Variants in RPF2 observed in about 807,000 individuals in gnomAD.
RPF2 encodes brix domain containing 1.
Under a neutral mutation model 38.9 loss-of-function variants are expected in RPF2, and 21 were observed. The observed-to-expected ratio is 0.54, with a 90% CI of 0.38 to 0.78. RPF2 has a LOEUF of 0.78. RPF2 is among the 30% of genes least tolerant of loss of function. RPF2 has a pLI of 0.00. For synonymous variants in RPF2, 121 were observed against 126.2 expected (o/e 0.96, Z 0.28); for missense variants, 314 against 358.1 (o/e 0.88, Z 0.99).
rs1184014301 is a variant in RPF2 at position 110,983,525 on chromosome 6, G to A, written c.23+1396G>A. Among the ~76,000 whole-genome samples the A allele has an allele frequency of 4.6e-5, 7 of 151,936 alleles. No homozygotes were observed. In the South Asian group the frequency reaches 6.2e-4, roughly 14 times the overall value. Reference sequence around the variant, plus strand: ...ACCACAGCTAATTTTTGTATTTTTTGTAGAGACAGGGTTTTGCATTGTTGC... The same window carrying A: ...ACCACAGCTAATTTTTGTATTTTTTATAGAGACAGGGTTTTGCATTGTTGC... On this transcript the variant is annotated intron_variant, in intron 1 of 9. Transcript: ENST00000441448.
chr6:111,024,862 G>A (rs1425642545), intron 9 of RPF2, among the ~76,000 whole-genome samples: 2 of 152,200 alleles, frequency 1.3e-5, no homozygotes, highest in Non-Finnish European at 2.9e-5. Flanking sequence ...GTTTGGCTAA[G>A]TGCCTTCTGA....
At chr6:111,002,739 C>T (rs1771831098) in intron 6 of RPF2, among the ~76,000 whole-genome samples, 1 of 151,642 alleles carries the variant, frequency 6.6e-6, no homozygotes, top group Non-Finnish European at 1.5e-5. Context: ...CTTACATTGG[C>T]AATTCCTACA....
intron 7 of RPF2, among the ~76,000 whole-genome samples, chr6:111,010,694 T>C (rs942328723): frequency 2.0e-5 from 3 of 152,220 alleles, no homozygotes; most frequent in Non-Finnish European, 2.9e-5. Context: ...TTTTATATAC[T>C]TTGCTGTAGA....
chr6:111,013,862 C>T (rs951538883), intron 7 of RPF2, among the ~76,000 whole-genome samples: 3 of 152,040 alleles, frequency 2.0e-5, no homozygotes, highest in Non-Finnish European at 4.4e-5. Context: ...CCAGGCCAGG[C>T]GTGGTGGCTC....
intron 6 of RPF2, among the ~76,000 whole-genome samples, chr6:111,007,327 A>T (rs1162315859): frequency 3.3e-5 from 5 of 152,220 alleles, no homozygotes; most frequent in Admixed American, 3.3e-4. Flanking sequence ...GACTAATGTT[A>T]AAAAAGCCCT....
intron 6 of RPF2, among the ~76,000 whole-genome samples, chr6:111,000,798 A>G (rs527868122): frequency 3.6e-4 from 55 of 152,298 alleles, no homozygotes; most frequent in Non-Finnish European, 7.3e-4. Flanking sequence ...TAGGGGTTTC[A>G]TTGGTGAACT....
At chr6:111,009,446 G>A (rs1771975668) in intron 7 of RPF2, among the ~76,000 whole-genome samples, 1 of 151,424 alleles carries the variant, frequency 6.6e-6, no homozygotes, top group African/African-American at 2.4e-5. Flanking sequence ...ACCCTCCTTG[G>A]CCTCCCAAAA....
intron 6 of RPF2, among the ~76,000 whole-genome samples, chr6:111,001,463 G>A (rs999520460): frequency 1.3e-5 from 2 of 151,686 alleles, no homozygotes; most frequent in Admixed American, 6.6e-5. Context: ...CTGCAGCCTT[G>A]ACCTCCTGGG....
chr6:111,023,986 CA>C (rs145252047), intron 8 of RPF2, among the ~76,000 whole-genome samples, 196 bp from the exon 9 acceptor site: 54 of 136,812 alleles, frequency 3.9e-4, no homozygotes, highest in Admixed American at 4.4e-4. Context: ...GACTCCGTCT[CA>C]AAAAAAAAAA....
chr6:111,025,172 T>C (rs896181402), intron 9 of RPF2, among the ~76,000 whole-genome samples: 16 of 152,222 alleles, frequency 1.1e-4, no homozygotes, highest in African/African-American at 3.6e-4. Context: ...TTGTGCAGAA[T>C]ATCAGGCCCT....
At chr6:110,984,910 C>A in intron 1 of RPF2, 96 bp from the exon 2 acceptor site, 1 of 1,297,102 alleles carries the variant, frequency 7.7e-7, no homozygotes, top group African/African-American at 1.5e-5. Context: ...CCCTAAGTGA[C>A]AAATATGTTT....
intron 6 of RPF2, among the ~76,000 whole-genome samples, chr6:111,002,430 T>G (rs1348788439): frequency 6.6e-6 from 1 of 152,190 alleles, no homozygotes; most frequent in Non-Finnish European, 1.5e-5. Flanking sequence ...AGCCTTGAAT[T>G]CCTGGGCTCA....
chr6:111,000,955 A>G (rs778281913), intron 6 of RPF2, among the ~76,000 whole-genome samples: 3 of 152,200 alleles, frequency 2.0e-5, no homozygotes, highest in Non-Finnish European at 4.4e-5. Flanking sequence ...TGTAGCAAAA[A>G]TGTATAATTA....
chr6:111,016,670 C>CTTTT (rs71021821), intron 8 of RPF2, among the ~76,000 whole-genome samples: 27 of 122,128 alleles, frequency 2.2e-4, no homozygotes, highest in South Asian at 5.5e-4. Context: ...AATTGTGGTT[C>CTTTT]TTTTTTTTTT....
chr6:111,006,989 C>T (rs1425585920), intron 6 of RPF2, among the ~76,000 whole-genome samples: 2 of 151,876 alleles, frequency 1.3e-5, no homozygotes, highest in South Asian at 2.1e-4. Flanking sequence ...TGCGGTGAGC[C>T]GAGATAGCGC....
intron 3 of RPF2, among the ~76,000 whole-genome samples, chr6:110,989,463 CCTT>C (rs1771580665): frequency 1.3e-5 from 2 of 152,048 alleles, no homozygotes; most frequent in African/African-American, 2.4e-5. Flanking sequence ...TTTCTTTTTT[CCTT>C]CTTTTGAGAC....
At chr6:111,016,890 C>G (rs957287062) in intron 8 of RPF2, among the ~76,000 whole-genome samples, 7 of 151,414 alleles carry the variant, frequency 4.6e-5, no homozygotes, top group African/African-American at 1.5e-4. Flanking sequence ...TGACTCTTAA[C>G]AAGCATGCTG....
rs191765169 is a variant in RPF2 at position 110,998,463 on chromosome 6, C to G, written c.316+1199C>G. On this transcript the variant is annotated intron_variant, in intron 5 of 9. Transcript: ENST00000441448. ...ATTACTGCTGATCCACCCACCTTGG[C>G]CTCCCAAAGGGCTGGAATTACAGGC... 3.6e-3 allele frequency among the ~76,000 whole-genome samples: 546 copies of G among 152,290 alleles called. 8 individuals carry two copies. The highest frequency in any genetic ancestry group is 0.012 in the African/African-American group (501 of 41,562).
At chr6:111,016,262 T>C (rs1772106011) in intron 8 of RPF2, among the ~76,000 whole-genome samples, 1 of 152,202 alleles carries the variant, frequency 6.6e-6, no homozygotes, top group Non-Finnish European at 1.5e-5. Context: ...TCTGTCTCTC[T>C]AGCCTAGGCC....
Sources: allele counts gnomAD v4.1 joint callset (sites outside exome capture counted in the v4.1 genomes callset), GRCh38; gene constraint gnomAD v4.1.1; transcripts MANE v1.5; gene names NCBI Gene and HGNC (gene_info 2026-07-23, HGNC 2026-07-21).